PLCB1: variants seen among roughly 807,000 people sequenced by gnomAD.
PLCB1 encodes the protein phospholipase C beta 1.
In PLCB1, 46 loss-of-function variants were observed where a neutral mutation model predicts 161.8. The observed-to-expected ratio is 0.28, with a 90% CI of 0.22 to 0.36. PLCB1 has a LOEUF of 0.36. Among genes scored for constraint, PLCB1 ranks in the 10% least tolerant of loss-of-function variants. The pLI, the probability that PLCB1 is intolerant of heterozygous loss-of-function variation, is 1.00. For missense variants in PLCB1, 1,016 were observed against 1,472.5 expected (o/e 0.69, Z 5.07); for synonymous variants, 517 against 503.7 (o/e 1.03, Z -0.35).
At chr20:8,628,178 G>C (rs1177653985) in intron 3 of PLCB1, 116 bp from the exon 4 acceptor site, 2 of 819,112 alleles carry the variant, frequency 2.4e-6, no homozygotes, top group African/African-American at 3.4e-5. Flanking sequence ...CAATTTTCTA[G>C]TAAGAATAAA....
At chr20:8,684,577 GA>G (rs200540080) in intron 9 of PLCB1, among the ~76,000 whole-genome samples, 3 of 151,618 alleles carry the variant, frequency 2.0e-5, no homozygotes, top group South Asian at 2.1e-4. Flanking sequence ...ACATTAATAA[GA>G]AAAAAAATTG....
rs11323420 is a variant in PLCB1 at position 8,535,202 on chromosome 20, C to CAAAAA, written c.247-93072_247-93068dup. Among the ~76,000 whole-genome samples, 40 of 52,756 alleles carry CAAAAA rather than the reference C, an allele frequency of 7.6e-4. 1 individual carries two copies. The highest frequency in any genetic ancestry group is 6.0e-3 in the East Asian group (10 of 1,660). The allele number at this position is 52,756 out of a possible 152,430, so 34.6% of individuals were successfully genotyped here. ...TTTTTCAGAAAATAGAGTTTATGGG[C>CAAAAA]AAAAAAAAAAAAAAAAAAAAAAAAG... is the stretch of plus-strand genomic sequence containing the variant. On this transcript the variant is annotated intron_variant, in intron 3 of 31. Coordinates refer to ENST00000338037, the MANE Select transcript of PLCB1 (RefSeq NM_015192.4).
rs6140782 is a variant in PLCB1 at position 8,866,483 on chromosome 20, C to A, written c.3424-15139C>A. Among the ~76,000 whole-genome samples, 60 of 152,296 alleles carry A rather than the reference C, an allele frequency of 3.9e-4. No individual in the cohort carries two copies. The East Asian group carries it at 0.01, about 26-fold the overall frequency. On this transcript the variant is annotated intron_variant, in intron 31 of 31. Coordinates refer to ENST00000338037, the MANE Select transcript of PLCB1 (RefSeq NM_015192.4). The stretch of plus-strand genomic sequence containing the variant: ...CATTACCCAAATACTCCGGAAGTTG[C>A]AAATCGACCTGCATGGTGTTTTGTA...
intron 3 of PLCB1, among the ~76,000 whole-genome samples, chr20:8,459,026 A>G (rs1282992816): frequency 6.6e-6 from 1 of 152,202 alleles, no homozygotes; most frequent in Non-Finnish European, 1.5e-5. Context: ...CCATTAGACA[A>G]TTTAAAAGCT....
chr20:8,173,268 A>T (rs887146764), intron 2 of PLCB1, among the ~76,000 whole-genome samples: 1 of 152,096 alleles, frequency 6.6e-6, no homozygotes, highest in Non-Finnish European at 1.5e-5. Flanking sequence ...TCACTACAAC[A>T]AGCGCTTGGC....
At chr20:8,354,171 A>G (rs538534768) in intron 2 of PLCB1, among the ~76,000 whole-genome samples, 71 of 152,264 alleles carry the variant, frequency 4.7e-4, no homozygotes, top group African/African-American at 1.7e-3. Context: ...GGTGATGGTT[A>G]CACAACAATG....
chr20:8,825,080 T>G (rs369403765), intron 31 of PLCB1, among the ~76,000 whole-genome samples: 2 of 152,216 alleles, frequency 1.3e-5, no homozygotes, highest in African/African-American at 4.8e-5. Context: ...TGTACTCATT[T>G]TATTCATTCA....
chr20:8,670,143 TTAA>T (rs1473077095), intron 9 of PLCB1, among the ~76,000 whole-genome samples: 5 of 152,020 alleles, frequency 3.3e-5, no homozygotes, highest in Non-Finnish European at 5.9e-5. Flanking sequence ...AAAGCTGTAC[TTAA>T]GAGAGACAGG....
chr20:8,316,525 G>C (rs1347676635), intron 2 of PLCB1, among the ~76,000 whole-genome samples: 2 of 152,134 alleles, frequency 1.3e-5, no homozygotes, highest in African/African-American at 4.8e-5. Context: ...TCTCAACCCG[G>C]AGTTCCCATG....
rs146233507 is a variant in PLCB1 at position 8,200,924 on chromosome 20, C to T, written c.177+50553C>T. 2.6e-3 allele frequency among the ~76,000 whole-genome samples: 394 copies of T among 152,086 alleles called. 5 individuals carry two copies. The highest frequency in any genetic ancestry group is 0.026 in the East Asian group (132 of 5,170). On this transcript the variant is annotated intron_variant, in intron 2 of 31. Transcript: ENST00000338037. Reference sequence around the variant, plus strand: ...GATCTGTTCCCTTTTATGTCTGATTCGCTGAAGGATTTAGAAAAATTATAC... The same window carrying T: ...GATCTGTTCCCTTTTATGTCTGATTTGCTGAAGGATTTAGAAAAATTATAC...
intron 3 of PLCB1, among the ~76,000 whole-genome samples, chr20:8,577,698 A>G (rs1004305395): frequency 3.9e-5 from 6 of 152,204 alleles, no homozygotes; most frequent in African/African-American, 1.4e-4. Flanking sequence ...ACAGTAAACC[A>G]TGCTAGAGGT....
rs373476629 is a variant in PLCB1, at chr20:8,646,167, A to G, written c.450A>G (p.Ala150=). 5 of 1,611,946 alleles carry G rather than the reference A, an allele frequency of 3.1e-6. No individual in the cohort carries two copies. Among genetic ancestry groups the G allele is most frequent in the Non-Finnish European group, 2.5e-6 (3 of 1,177,992 alleles). Residue 150 remains alanine (A), a synonymous_variant, in exon 5 of 32, where the codon GCA becomes GCG. Transcript: ENST00000338037. Reference sequence around the variant, plus strand: ...TGGCCCAAAACATGTCCAGGGATGCATTTCTGGAAAAAGCGTAAGTCACTC... The same window carrying G: ...TGGCCCAAAACATGTCCAGGGATGCGTTTCTGGAAAAAGCGTAAGTCACTC... ...NLLAQNMSRD[A]FLEKAYTKLK...
At chr20:8,225,059 C>G (rs1979611139) in intron 2 of PLCB1, among the ~76,000 whole-genome samples, 1 of 152,164 alleles carries the variant, frequency 6.6e-6, no homozygotes, top group Non-Finnish European at 1.5e-5. Flanking sequence ...ATACTTTGAT[C>G]TAAACACCGT....
At chr20:8,487,447 G>C (rs1379802122) in intron 3 of PLCB1, among the ~76,000 whole-genome samples, 1 of 152,098 alleles carries the variant, frequency 6.6e-6, no homozygotes, top group Non-Finnish European at 1.5e-5. Context: ...TCTTATACTG[G>C]GATTCATCCA....
rs112841925 is a variant in PLCB1, at chr20:8,769,577, A to G, written c.2930+4219A>G. Among the ~76,000 whole-genome samples, 367 of 152,326 alleles carry G rather than the reference A, an allele frequency of 2.4e-3. 2 individuals are homozygous for G. Among genetic ancestry groups the G allele is most frequent in the African/African-American group, 8.3e-3 (344 of 41,572 alleles). On this transcript the variant is annotated intron_variant, in intron 26 of 31. Transcript: ENST00000338037. ...ATCCAACGACCTTCACAGCTCTAGG[A>G]AATCTTATGTAGAATTGGTTGTACA... is the stretch of plus-strand genomic sequence containing the variant.
chr20:8,787,090 C>T (rs117488323), intron 27 of PLCB1, among the ~76,000 whole-genome samples: 29 of 152,314 alleles, frequency 1.9e-4, no homozygotes, highest in East Asian at 7.7e-4. Flanking sequence ...CAGCTAAAGA[C>T]GGGTTCCTTG....
At chr20:8,868,533 G>C (rs1160411336) in intron 31 of PLCB1, among the ~76,000 whole-genome samples, 6 of 152,220 alleles carry the variant, frequency 3.9e-5, no homozygotes, top group Non-Finnish European at 7.3e-5. Flanking sequence ...AGAATATCAG[G>C]TTCCTGAGAC....
At chr20:8,369,378 C>T (rs1231224704) in intron 2 of PLCB1, among the ~76,000 whole-genome samples, 1 of 152,202 alleles carries the variant, frequency 6.6e-6, no homozygotes, top group Admixed American at 6.5e-5. Flanking sequence ...CTTCTTCAAG[C>T]TTGATTCCCT....
At chr20:8,700,639 G>A (rs970575417) in intron 11 of PLCB1, among the ~76,000 whole-genome samples, 4 of 152,220 alleles carry the variant, frequency 2.6e-5, no homozygotes, top group African/African-American at 9.7e-5. Flanking sequence ...GTTGGGAGTG[G>A]GGAGGTGACC....
Sources: allele counts gnomAD v4.1 joint callset (sites outside exome capture counted in the v4.1 genomes callset), GRCh38; gene constraint gnomAD v4.1.1; transcripts MANE v1.5; gene names NCBI Gene and HGNC (gene_info 2026-07-23, HGNC 2026-07-21).